Variants in KIF22 observed in about 807,000 individuals in gnomAD.
KIF22 encodes the protein kinesin-like protein KIF22.
KIF22 carries 62 observed loss-of-function variants against 73.0 expected under a neutral mutation model. The observed-to-expected ratio is 0.85, with a 90% CI of 0.69 to 1.05. The LOEUF is 1.05. Ranked by LOEUF, KIF22 falls within the 50% of genes least tolerant of loss-of-function variation. The pLI is 0.00. For missense variants in KIF22, 854 were observed against 870.1 expected (o/e 0.98, Z 0.23); for synonymous variants, 411 against 340.1 (o/e 1.21, Z -2.29).
intron 1 of KIF22, among the ~76,000 whole-genome samples, chr16:29,795,466 T>C (rs1898926638): frequency 6.6e-6 from 1 of 152,208 alleles, no homozygotes. Context: ...CTGCGAGGCC[T>C]ATGGCTCCTA....
chr16:29,804,634 A>G, intron 11 of KIF22, 180 bp from the exon 12 acceptor site: 1 of 701,196 alleles, frequency 1.4e-6, no homozygotes, highest in East Asian at 2.7e-5. Flanking sequence ...CCTCTCTTTC[A>G]CTAGTTGCAT....
At chr16:29,803,977 A>C in intron 10 of KIF22, 21 bp from the exon 11 acceptor site, 1 of 1,607,118 alleles carries the variant, frequency 6.2e-7, no homozygotes, top group Non-Finnish European at 8.5e-7. Context: ...CCTGACTCCA[A>C]TTCTCGATTC....
At chr16:29,795,786 A>G (rs769780665) in intron 1 of KIF22, among the ~76,000 whole-genome samples, 2 of 152,182 alleles carry the variant, frequency 1.3e-5, no homozygotes, top group Non-Finnish European at 2.9e-5. Flanking sequence ...AACAAAACAA[A>G]ACAAAAAAAA....
In KIF22 at chr16:29,803,448, G is replaced by A; in HGVS notation, c.1450-1G>A. The stretch of plus-strand genomic sequence containing the variant: ...CACATCTCCCTGATCCTTTCCAACA[G>A]AGGCTTAAGACGAAGCAAAAAGAAC... On this transcript the variant is annotated splice_acceptor_variant, in intron 9 of 13. Coordinates refer to ENST00000160827, the MANE Select transcript of KIF22 (RefSeq NM_007317.3). LOFTEE classifies it high-confidence loss of function. The A allele has an allele frequency of 6.2e-7, 1 of 1,613,984 alleles. No homozygotes were observed. The highest frequency in any genetic ancestry group is 8.5e-7 in the Non-Finnish European group (1 of 1,179,978).
intron 13 of KIF22, 24 bp from the exon 14 acceptor site, chr16:29,805,239 G>A: frequency 1.2e-6 from 2 of 1,613,914 alleles, no homozygotes; most frequent in Non-Finnish European, 1.7e-6. Flanking sequence ...TAACGTCGCT[G>A]TCTCCCTCCC....
At position 29,800,187 on chromosome 16, in the gene KIF22, G is replaced by T. The variant is rs1368360138; in HGVS notation, c.1280+139G>T. On this transcript the variant is annotated intron_variant, in intron 8 of 13. Transcript: ENST00000160827. ...AATTCACCCTAGGCCGGATGCGGTG[G>T]CTCACTCCTGTAACCCCAGCACTTT... 3 of 1,025,230 alleles carry T rather than the reference G, an allele frequency of 2.9e-6. No individual in the cohort carries two copies. In the East Asian group the frequency reaches 8.0e-5, roughly 27 times the overall value. The allele number at this position is 1,025,230 out of a possible 1,614,324, so 63.5% of individuals were successfully genotyped here. A position where few individuals can be genotyped will look rare whatever the true frequency, so the allele number is the denominator to read the frequency against.
chr16:29,803,068 C>T (rs1427685057), intron 9 of KIF22, 131 bp downstream of exon 9: 1 of 888,854 alleles, frequency 1.1e-6, no homozygotes. Context: ...AGTTCTCCAG[C>T]TTCTGCTTGA....
chr16:29,793,699 C>T (rs867846527), intron 1 of KIF22, among the ~76,000 whole-genome samples: 7 of 151,982 alleles, frequency 4.6e-5, no homozygotes, highest in Middle Eastern at 3.2e-3. Flanking sequence ...TAAGCATATG[C>T]TAACAGTCTA....
intron 8 of KIF22, among the ~76,000 whole-genome samples, chr16:29,801,767 G>A (rs182119398): frequency 5.9e-4 from 90 of 152,282 alleles, no homozygotes; most frequent in Non-Finnish European, 8.8e-4. Context: ...GTTTGCCCAC[G>A]TATGTTCTGA....
rs370920693 is a variant in KIF22, at chr16:29,799,620, A to C, written c.991-8A>C. The C allele has an allele frequency of 5.6e-6, 9 of 1,613,760 alleles. No individual in the cohort carries two copies. Among genetic ancestry groups the C allele is most frequent in the Non-Finnish European group, 7.6e-6 (9 of 1,179,950 alleles). Reference sequence around the variant, plus strand: ...TCTGACCCACCCACTGCCTGGTCTCACCCTCAGGACTCTCTGGGTGGCTCA... The same window carrying C: ...TCTGACCCACCCACTGCCTGGTCTCCCCCTCAGGACTCTCTGGGTGGCTCA... On this transcript the variant is annotated splice_polypyrimidine_tract_variant and splice_region_variant and intron_variant, in intron 6 of 13. Coordinates refer to ENST00000160827, the MANE Select transcript of KIF22 (RefSeq NM_007317.3).
chr16:29,796,138 T>G (rs1014732821), intron 1 of KIF22, among the ~76,000 whole-genome samples: 1 of 151,754 alleles, frequency 6.6e-6, no homozygotes, highest in African/African-American at 2.4e-5. Context: ...AGGAGTGGTG[T>G]TGGGGACCTG....
At chr16:29,792,090 G>A (rs1400836045) in intron 1 of KIF22, among the ~76,000 whole-genome samples, 1 of 152,166 alleles carries the variant, frequency 6.6e-6, no homozygotes, top group Admixed American at 6.5e-5. Flanking sequence ...CTTGAGATGG[G>A]TTTCAAAGGT....
In KIF22 at chr16:29,804,040, T is replaced by C. The variant is rs146832611; in HGVS notation, c.1652T>C (p.Leu551Pro). Residue 551 changes from leucine to proline, a missense_variant, in exon 11 of 14, where the codon CTG (leucine) becomes CCG (proline). This residue lies in a region of KIF22 where 423 missense variants were observed against 365.4 expected (regional missense o/e 1.16). Transcript: ENST00000160827. ...TCCCCAAATGCCGAGATCCACATCCTGAAGAATAAAGGCCGGAAGAGAAAG... is the reference window on the plus strand; with the variant it reads ...TCCCCAAATGCCGAGATCCACATCCCGAAGAATAAAGGCCGGAAGAGAAAG... ...AASPNAEIHI[L>P]KNKGRKRKLE... 1 of 1,613,826 alleles carries C rather than the reference T, an allele frequency of 6.2e-7. No individual in the cohort carries two copies. Among genetic ancestry groups the C allele is most frequent in the Non-Finnish European group, 8.5e-7 (1 of 1,179,910 alleles).
intron 1 of KIF22, among the ~76,000 whole-genome samples, chr16:29,792,993 T>C (rs369409508): frequency 2.6e-5 from 4 of 152,172 alleles, no homozygotes; most frequent in Admixed American, 6.5e-5. Context: ...TTTAAAGAGA[T>C]AGACTTGACA....
chr16:29,792,105 T>A (rs531951383), intron 1 of KIF22, among the ~76,000 whole-genome samples: 2 of 152,200 alleles, frequency 1.3e-5, no homozygotes, highest in Non-Finnish European at 2.9e-5. Flanking sequence ...AAAGGTTGGA[T>A]AGGAGTTTGC....
At chr16:29,795,295 C>G (rs1292404959) in intron 1 of KIF22, among the ~76,000 whole-genome samples, 2 of 152,158 alleles carry the variant, frequency 1.3e-5, no homozygotes, top group African/African-American at 4.8e-5. Context: ...ATTAGTAGCC[C>G]CATTTATCAG....
intron 10 of KIF22, 101 bp from the exon 11 acceptor site, chr16:29,803,897 G>A (rs1340393650): frequency 6.6e-6 from 6 of 910,060 alleles, no homozygotes; most frequent in Non-Finnish European, 1.1e-5. Context: ...AACTCTGGAT[G>A]GAGGGGAGCT....
intron 8 of KIF22, among the ~76,000 whole-genome samples, chr16:29,801,029 G>A (rs1000107177): frequency 6.6e-6 from 1 of 152,186 alleles, no homozygotes; most frequent in African/African-American, 2.4e-5. Context: ...CAAAGCAAAG[G>A]AGACTTGGAA....
chr16:29,800,069 T>G (rs749060214), intron 8 of KIF22, 21 bp downstream of exon 8: 1 of 1,597,712 alleles, frequency 6.3e-7, no homozygotes, highest in South Asian at 1.1e-5. Context: ...GGGCCTTGGG[T>G]GTATCCCCTT....
Sources: gnomAD v4.1 joint callset for allele counts (sites outside exome capture counted in the v4.1 genomes callset) on GRCh38, gnomAD v4.1.1 for gene constraint, gnomAD v4.1.1 regional missense constraint, MANE v1.5 for transcripts, NCBI Gene and HGNC (gene_info 2026-07-23, HGNC 2026-07-21) for gene names.